NRXN1: variants seen among roughly 807,000 people sequenced by gnomAD.
The protein encoded by NRXN1 is neurexin 1, also known as neurexin-1.
NRXN1 carries 39 observed loss-of-function variants against 150.9 expected under a neutral mutation model. The ratio of observed to expected loss-of-function variants is 0.26; its 90% CI spans 0.20 to 0.34. The LOEUF is 0.34. Ranked by LOEUF, NRXN1 falls within the 10% of genes least tolerant of loss-of-function variation. The pLI is 1.00. For synonymous variants in NRXN1, 924 were observed against 757.0 expected (o/e 1.22, Z -3.62); for missense variants, 1,815 against 1,949.9 (o/e 0.93, Z 1.30).
rs75025551 is a variant in NRXN1 at position 50,070,887 on chromosome 2, A to T, written c.3719-15843T>A. Among the ~76,000 whole-genome samples the T allele has an allele frequency of 7.7e-3, 1,178 of 152,296 alleles. 21 individuals carry two copies. The highest frequency in any genetic ancestry group is 0.027 in the African/African-American group (1,107 of 41,552). ...AGTAGGTACAGAGGAGAAATAGTTC[A>T]TTGCATAAAATATATCAGAATAAAA... On this transcript the variant is annotated intron_variant, in intron 19 of 22. Transcript: ENST00000401669.
chr2:50,357,868 A>G (rs767837259), intron 17 of NRXN1, among the ~76,000 whole-genome samples: 5 of 152,116 alleles, frequency 3.3e-5, no homozygotes, highest in Admixed American at 6.5e-5. Context: ...TGCATTTTCA[A>G]CTAAGGTACC....
intron 5 of NRXN1, among the ~76,000 whole-genome samples, chr2:50,627,877 A>T (rs1460598895): frequency 1.3e-5 from 2 of 151,706 alleles, no homozygotes; most frequent in Non-Finnish European, 3.0e-5. Flanking sequence ...ATGCCACAAC[A>T]CCTGTGTGTC....
At chr2:50,005,314 AT>A (rs1684581563) in intron 21 of NRXN1, among the ~76,000 whole-genome samples, 1 of 152,146 alleles carries the variant, frequency 6.6e-6, no homozygotes, top group East Asian at 1.9e-4. Flanking sequence ...AAAGCAGATT[AT>A]TTTTAAAGAA....
chr2:50,550,588 G>A lies in NRXN1; in HGVS notation c.1759+1999C>T, dbSNP rs377051926. Among the ~76,000 whole-genome samples the A allele has an allele frequency of 7.4e-4, 113 of 151,892 alleles. 2 individuals carry two copies. Among genetic ancestry groups the A allele is most frequent in the African/African-American group, 2.7e-3 (111 of 41,438 alleles). ...TTAACTGCTATCTCTGGCAGAGATAGGCTGGAGGAAGTCAGAGGGGAACAC... is the reference window on the plus strand; with the variant it reads ...TTAACTGCTATCTCTGGCAGAGATAAGCTGGAGGAAGTCAGAGGGGAACAC... On this transcript the variant is annotated intron_variant, in intron 9 of 22. Coordinates refer to ENST00000401669, the MANE Select transcript of NRXN1 (RefSeq NM_001330078.2).
At chr2:50,081,041 A>C (rs1697885714) in intron 19 of NRXN1, among the ~76,000 whole-genome samples, 1 of 152,214 alleles carries the variant, frequency 6.6e-6, no homozygotes, top group Admixed American at 6.5e-5. Context: ...ATACAAATGT[A>C]GATAGATGTG....
At position 50,813,636 on chromosome 2, in the gene NRXN1, G is replaced by C. The variant is rs567901379; in HGVS notation, c.832+108233C>G. On this transcript the variant is annotated intron_variant, in intron 5 of 22. Transcript: ENST00000401669. Reference sequence around the variant, plus strand: ...ACAAAAGAAAATAAGGTTTCAAAGAGTTATTACTAAGTCTGAATCAGCTAG... The same window carrying C: ...ACAAAAGAAAATAAGGTTTCAAAGACTTATTACTAAGTCTGAATCAGCTAG... Among the ~76,000 whole-genome samples the C allele has an allele frequency of 6.6e-5, 10 of 152,278 alleles. No individual in the cohort carries two copies. The South Asian group carries it at 8.3e-4, about 13-fold the overall frequency.
At chr2:49,940,624 G>C (rs756709556) in intron 22 of NRXN1, among the ~76,000 whole-genome samples, 3 of 152,070 alleles carry the variant, frequency 2.0e-5, no homozygotes, top group Non-Finnish European at 4.4e-5. Context: ...TTGGAAAATA[G>C]GAAAACATCA....
intron 5 of NRXN1, among the ~76,000 whole-genome samples, chr2:50,675,203 T>C (rs564558203): frequency 6.6e-6 from 1 of 152,120 alleles, no homozygotes; most frequent in African/African-American, 2.4e-5. Flanking sequence ...CTTTACTTTA[T>C]AAATTACCCA....
chr2:50,211,688 G>A (rs1262125332), intron 18 of NRXN1, among the ~76,000 whole-genome samples: 1 of 151,416 alleles, frequency 6.6e-6, no homozygotes, highest in East Asian at 1.9e-4. Flanking sequence ...GAAGGTTAAA[G>A]TTTAGAGATA....
intron 5 of NRXN1, among the ~76,000 whole-genome samples, chr2:50,786,095 C>A (rs181525266): frequency 1.3e-3 from 196 of 152,082 alleles, no homozygotes; most frequent in African/African-American, 4.6e-3. Flanking sequence ...TGACTGCAGA[C>A]TCCAGAAATC....
chr2:50,168,115 G>A (rs986180552), intron 18 of NRXN1, among the ~76,000 whole-genome samples: 9 of 151,890 alleles, frequency 5.9e-5, no homozygotes, highest in Non-Finnish European at 1.2e-4. Flanking sequence ...TAAGAAGGAT[G>A]TGTCTCTGCC....
At chr2:50,252,947 G>T (rs955770177) in intron 17 of NRXN1, among the ~76,000 whole-genome samples, 6 of 152,120 alleles carry the variant, frequency 3.9e-5, no homozygotes, top group South Asian at 2.1e-4. Flanking sequence ...ATTCTGTAAA[G>T]AATGTCAATG....
intron 18 of NRXN1, among the ~76,000 whole-genome samples, chr2:50,228,249 T>C (rs1390308265): frequency 1.3e-5 from 2 of 152,082 alleles, no homozygotes; most frequent in Non-Finnish European, 2.9e-5. Context: ...GTTAATTGTA[T>C]TTAGTAAAAC....
intron 18 of NRXN1, among the ~76,000 whole-genome samples, chr2:50,099,265 G>GA (rs1481822933): frequency 6.6e-6 from 1 of 151,916 alleles, no homozygotes; most frequent in Admixed American, 6.6e-5. Context: ...TTTAGGGTAG[G>GA]AAAAAAGCCT....
chr2:50,899,978 T>C (rs1167145056), intron 5 of NRXN1, among the ~76,000 whole-genome samples: 1 of 152,180 alleles, frequency 6.6e-6, no homozygotes, highest in African/African-American at 2.4e-5. Flanking sequence ...TTAAAATATG[T>C]AATAACTGAA....
At chr2:50,536,216 A>C (rs2093255658) in intron 10 of NRXN1, among the ~76,000 whole-genome samples, 1 of 152,174 alleles carries the variant, frequency 6.6e-6, no homozygotes, top group South Asian at 2.1e-4. Context: ...GAGCAAGAAA[A>C]TTACTTCTGA....
At chr2:50,307,366 G>T (rs542414395) in intron 17 of NRXN1, among the ~76,000 whole-genome samples, 15 of 152,212 alleles carry the variant, frequency 9.9e-5, no homozygotes, top group African/African-American at 3.6e-4. Context: ...GATCAAGAAG[G>T]AGCTTAACTT....
At chr2:50,393,175 AAT>A (rs1491221508) in intron 17 of NRXN1, among the ~76,000 whole-genome samples, 2,428 of 144,008 alleles carry the variant, frequency 0.017, 67 homozygotes, top group African/African-American at 0.061. Flanking sequence ...CAAAAAAAAA[AAT>A]AATAATAAAA....
chr2:50,666,615 CAG>C (rs921392877), intron 5 of NRXN1, among the ~76,000 whole-genome samples: 1 of 151,888 alleles, frequency 6.6e-6, no homozygotes, highest in African/African-American at 2.4e-5. Flanking sequence ...TGACAATAAA[CAG>C]AGTGTTTGCT....
Sources: gnomAD v4.1 joint callset for allele counts (sites outside exome capture counted in the v4.1 genomes callset) on GRCh38, gnomAD v4.1.1 for gene constraint, MANE v1.5 for transcripts, NCBI Gene and HGNC (gene_info 2026-07-23, HGNC 2026-07-21) for gene names.